Variants in FYB2 observed in about 807,000 individuals in gnomAD.
FYB2 encodes the protein FYN-binding protein 2.
In FYB2, 103 loss-of-function variants were observed where a neutral mutation model predicts 94.1. The observed-to-expected ratio is 1.09, with a 90% CI of 0.93 to 1.29. The LOEUF (loss-of-function observed/expected upper bound fraction) is 1.29. Ranked by LOEUF, FYB2 falls within the 50% of genes most tolerant of loss-of-function variation. FYB2 has a pLI of 0.00. For missense variants in FYB2, 896 were observed against 841.5 expected, an observed-to-expected ratio of 1.06 and a Z score of -0.80; for synonymous variants, 293 against 287.9, an observed-to-expected ratio of 1.02 and a Z score of -0.18.
chr1:56,748,313 C>G (rs857113), intron 9 of FYB2, among the ~76,000 whole-genome samples: 34,427 of 151,758 alleles, frequency 0.23, 3,994 homozygotes, highest in South Asian at 0.33. Flanking sequence ...AGTCATGAAG[C>G]CTTTGTCCAT....
intron 1 of FYB2, among the ~76,000 whole-genome samples, chr1:56,811,279 A>G (rs1160394817): frequency 4.6e-5 from 7 of 152,188 alleles, no homozygotes; most frequent in Non-Finnish European, 1.0e-4. Flanking sequence ...TGGTATTGTA[A>G]CCAAGAAATT....
At chr1:56,743,150 C>T (rs1476886554) in intron 11 of FYB2, among the ~76,000 whole-genome samples, 2 of 152,156 alleles carry the variant, frequency 1.3e-5, no homozygotes, top group East Asian at 3.9e-4. Context: ...GTACTATAAA[C>T]TTCCTGAAGG....
chr1:56,784,915 C>G (rs576162747), intron 4 of FYB2, among the ~76,000 whole-genome samples: 1 of 152,308 alleles, frequency 6.6e-6, no homozygotes, highest in South Asian at 2.1e-4. Context: ...ACCTATTATG[C>G]AGGATACAGG....
At chr1:56,773,321 G>A (rs1430395193) in intron 4 of FYB2, among the ~76,000 whole-genome samples, 3 of 152,134 alleles carry the variant, frequency 2.0e-5, no homozygotes, top group Non-Finnish European at 2.9e-5. Context: ...TAGGCTGTAC[G>A]CTCTAGAGAA....
chr1:56,814,290 C>T (rs570922815), intron 1 of FYB2, among the ~76,000 whole-genome samples: 1 of 152,292 alleles, frequency 6.6e-6, no homozygotes, highest in African/African-American at 2.4e-5. Flanking sequence ...TTGGGCTGTA[C>T]TCTGTGGGCA....
intron 1 of FYB2, among the ~76,000 whole-genome samples, chr1:56,811,468 CCA>C (rs1163630421): frequency 6.6e-6 from 1 of 152,136 alleles, no homozygotes; most frequent in Non-Finnish European, 1.5e-5. Flanking sequence ...CCATGGCGAC[CCA>C]GCTGTGAAAT....
intron 1 of FYB2, among the ~76,000 whole-genome samples, chr1:56,808,586 C>T (rs1258741682): frequency 6.6e-6 from 1 of 152,154 alleles, no homozygotes; most frequent in Non-Finnish European, 1.5e-5. Context: ...CAATTTCCTT[C>T]ACCTTGGGAG....
intron 5 of FYB2, 123 bp downstream of exon 5, chr1:56,767,706 T>G (rs1356528094): frequency 1.4e-6 from 1 of 713,020 alleles, no homozygotes; most frequent in Non-Finnish European, 2.3e-6. Context: ...GAAAAAGAAA[T>G]AAGATGGTTG....
chr1:56,743,940 A>AAT (rs1227682477), intron 11 of FYB2, 86 bp downstream of exon 11: 7 of 1,402,798 alleles, frequency 5.0e-6, no homozygotes, highest in Non-Finnish European at 6.9e-6. Flanking sequence ...AAATATGAAT[A>AAT]ATTAAAAGAC....
chr1:56,747,393 G>T (rs958160254), intron 9 of FYB2, among the ~76,000 whole-genome samples: 5 of 151,850 alleles, frequency 3.3e-5, no homozygotes, highest in African/African-American at 1.2e-4. Context: ...TTGTCCTAAT[G>T]CTCTCTGTCC....
chr1:56,759,809 G>A (rs185833967), intron 5 of FYB2, among the ~76,000 whole-genome samples: 304 of 152,208 alleles, frequency 2.0e-3, no homozygotes, highest in African/African-American at 6.9e-3. Context: ...TTGGCCAGGT[G>A]TGGTGGCTCA....
intron 1 of FYB2, among the ~76,000 whole-genome samples, chr1:56,818,049 G>A (rs11585758): frequency 0.24 from 36,070 of 152,072 alleles, 4,435 homozygotes; most frequent in Middle Eastern, 0.29. Context: ...ATGCCAGTGC[G>A]GATCCTGGCC....
chr1:56,815,107 T>C (rs1254473974), intron 1 of FYB2, among the ~76,000 whole-genome samples: 3 of 152,276 alleles, frequency 2.0e-5, no homozygotes, highest in East Asian at 1.9e-4. Flanking sequence ...GGGATTCCAC[T>C]CTGGATACTC....
In FYB2 at chr1:56,726,591, G is replaced by T; in HGVS notation, c.1794-8C>A. On this transcript the variant is annotated splice_polypyrimidine_tract_variant and splice_region_variant and intron_variant, in intron 15 of 19. Transcript: ENST00000343433. ...TTCAGTTTATCTTCATCTCTGAGGA[G>T]AAATATATTTTGAGCAAGTAAATTA... 2 of 1,601,970 alleles carry T rather than the reference G, an allele frequency of 1.2e-6. No homozygotes were observed. The highest frequency in any genetic ancestry group is 1.7e-6 in the Non-Finnish European group (2 of 1,171,770).
At chr1:56,770,130 A>C (rs1303363831) in intron 4 of FYB2, among the ~76,000 whole-genome samples, 1 of 152,194 alleles carries the variant, frequency 6.6e-6, no homozygotes, top group African/African-American at 2.4e-5. Context: ...TCAGAAATCT[A>C]AGAAAGTGTT....
In FYB2 at chr1:56,792,373, G is replaced by T. The variant is rs765154606; in HGVS notation, c.440C>A (p.Ser147Ter). 1 of 1,614,122 alleles carries T rather than the reference G, an allele frequency of 6.2e-7. No individual in the cohort carries two copies. ...TGAAGACATTTCACTTTTCTGAGAT[G>T]AAACCTTCTCCCAGTTCCAGAGTTT... is the stretch of plus-strand genomic sequence containing the variant. ...RNKLWNWEKV[S>*]SQKSEMSSAL... Residue 147 changes from serine to a stop codon, truncating the protein, a stop_gained, in exon 2 of 20, where the codon TCA becomes TAA. Transcript: ENST00000343433. LOFTEE classifies it high-confidence loss of function.
chr1:56,780,675 C>G (rs940113199), intron 4 of FYB2, among the ~76,000 whole-genome samples: 6 of 151,990 alleles, frequency 3.9e-5, no homozygotes, highest in African/African-American at 1.5e-4. Context: ...AGGTACAACT[C>G]TTTATCTATG....
chr1:56,784,376 C>T (rs1646082844), intron 4 of FYB2, among the ~76,000 whole-genome samples: 1 of 152,064 alleles, frequency 6.6e-6, no homozygotes, highest in South Asian at 2.1e-4. Flanking sequence ...CAGCACATTC[C>T]CTTCCAGTAA....
At chr1:56,727,830 T>G (rs1351854881) in intron 15 of FYB2, among the ~76,000 whole-genome samples, 2 of 152,162 alleles carry the variant, frequency 1.3e-5, no homozygotes, top group Non-Finnish European at 2.9e-5. Context: ...TGTTTTCTTT[T>G]GATTTTTACA....
Sources: allele counts gnomAD v4.1 joint callset (sites outside exome capture counted in the v4.1 genomes callset), GRCh38; gene constraint gnomAD v4.1.1; transcripts MANE v1.5; gene names NCBI Gene and HGNC (gene_info 2026-07-23, HGNC 2026-07-21).